The following FAM186A variants were observed in gnomAD, a reference collection of about 807,000 sequenced individuals.
The protein encoded by FAM186A is family with sequence similarity 186 member A.
Under a neutral mutation model 216.8 loss-of-function variants are expected in FAM186A, and 163 were observed. That is an observed-to-expected ratio of 0.75 (90% CI 0.66 to 0.86). The LOEUF is 0.86. Among genes scored for constraint, FAM186A ranks in the 40% least tolerant of loss-of-function variants. The pLI is 0.00. For missense variants in FAM186A, 2,184 were observed against 2,746.2 expected, an observed-to-expected ratio of 0.80 and a Z score of 4.58; for synonymous variants, 805 against 1,025.3, an observed-to-expected ratio of 0.79 and a Z score of 4.10.
At chr12:50,383,099 A>G (rs942515314) in intron 1 of FAM186A, among the ~76,000 whole-genome samples, 4 of 151,228 alleles carry the variant, frequency 2.6e-5, no homozygotes, top group East Asian at 1.9e-4. Flanking sequence ...ACAAAAAACA[A>G]TAGCCCCCAG....
intron 4 of FAM186A, among the ~76,000 whole-genome samples, chr12:50,337,289 C>CTTTTT (rs71441358): frequency 1.1e-4 from 8 of 69,674 alleles, no homozygotes; most frequent in South Asian, 6.9e-4. Context: ...AGAGATAATT[C>CTTTTT]TTTTTTTTTT....
chr12:50,391,737 C>T (rs1238086235), intron 1 of FAM186A, among the ~76,000 whole-genome samples: 1 of 152,196 alleles, frequency 6.6e-6, no homozygotes, highest in Non-Finnish European at 1.5e-5. Flanking sequence ...TCCCAAGTAG[C>T]TGGGATTACA....
chr12:50,330,830 C>A, intron 6 of FAM186A, 72 bp from the exon 7 acceptor site: 1 of 1,308,194 alleles, frequency 7.6e-7, no homozygotes. Flanking sequence ...ATATCTTATT[C>A]TCCCCTCTTC....
intron 4 of FAM186A, among the ~76,000 whole-genome samples, chr12:50,343,580 C>T (rs1383417101): frequency 6.6e-6 from 1 of 150,870 alleles, no homozygotes; most frequent in Admixed American, 6.6e-5. Flanking sequence ...GGGACTACAG[C>T]GAACCCAGCT....
At chr12:50,356,370 A>T in intron 3 of FAM186A, 122 bp from the exon 4 acceptor site, 2 of 728,542 alleles carry the variant, frequency 2.7e-6, no homozygotes, top group African/African-American at 1.8e-5. Context: ...TAAGATAAAG[A>T]TTAATCTGAA....
intron 1 of FAM186A, among the ~76,000 whole-genome samples, chr12:50,383,370 G>A (rs930707363): frequency 3.3e-5 from 5 of 150,650 alleles, no homozygotes; most frequent in Admixed American, 2.0e-4. Context: ...GCGGAAGCAC[G>A]TGGATCATGA....
intron 1 of FAM186A, among the ~76,000 whole-genome samples, chr12:50,378,648 A>G (rs1160569447): frequency 1.3e-5 from 2 of 148,420 alleles, no homozygotes; most frequent in Non-Finnish European, 3.0e-5. Flanking sequence ...ATACATATAT[A>G]TACACACACA....
chr12:50,327,481 G>T, intron 7 of FAM186A, 77 bp from the exon 8 acceptor site: 1 of 1,126,976 alleles, frequency 8.9e-7, no homozygotes, highest in Non-Finnish European at 1.3e-6. Flanking sequence ...TGAGTCATAG[G>T]GAAAATAAAA....
At chr12:50,333,869 T>C (rs769110821) in intron 5 of FAM186A, 42 bp downstream of exon 5, 1 of 1,507,678 alleles carries the variant, frequency 6.6e-7, no homozygotes, top group African/African-American at 1.4e-5. Context: ...CACTTTCATG[T>C]TTTTACAACA....
intron 1 of FAM186A, among the ~76,000 whole-genome samples, chr12:50,396,056 C>G (rs905610094): frequency 6.6e-6 from 1 of 152,178 alleles, no homozygotes; most frequent in Non-Finnish European, 1.5e-5. Context: ...AGCCACCATG[C>G]CCGGCTTGAT....
chr12:50,389,574 G>A (rs1475334337), intron 1 of FAM186A, among the ~76,000 whole-genome samples: 9 of 152,146 alleles, frequency 5.9e-5, no homozygotes, highest in Admixed American at 5.2e-4. Context: ...ATATACTCCT[G>A]AGATAGAAGA....
At chr12:50,341,307 A>G (rs1480439905) in intron 4 of FAM186A, among the ~76,000 whole-genome samples, 2 of 152,150 alleles carry the variant, frequency 1.3e-5, no homozygotes, top group Non-Finnish European at 2.9e-5. Context: ...TGACCTAGCC[A>G]TCCTTGTCAT....
intron 1 of FAM186A, among the ~76,000 whole-genome samples, chr12:50,382,808 T>C (rs1436188154): frequency 2.0e-5 from 3 of 152,196 alleles, no homozygotes; most frequent in Non-Finnish European, 4.4e-5. Flanking sequence ...TTGCTTCAAC[T>C]GTCTCCTTCT....
chr12:50,344,522 T>C (rs1342037083), intron 4 of FAM186A, among the ~76,000 whole-genome samples: 1 of 152,220 alleles, frequency 6.6e-6, no homozygotes, highest in African/African-American at 2.4e-5. Context: ...CCACCACTGA[T>C]GTGTACCTAG....
Position 50,328,897 on chromosome 12 carries a change from C to T in FAM186A, c.7035-1493G>A, listed in dbSNP as rs545997709. Among the ~76,000 whole-genome samples the T allele has an allele frequency of 4.6e-5, 7 of 152,298 alleles. No homozygotes were observed. The East Asian group carries it at 1.4e-3, about 29-fold the overall frequency. On this transcript the variant is annotated intron_variant, in intron 7 of 7. Coordinates refer to ENST00000327337, the MANE Select transcript of FAM186A (RefSeq NM_001145475.3). ...TTGGGAGGCCAAGGCGGGTGGATCA[C>T]CTGAGGTCAAGAGTTCAAGACCAGC...
intron 3 of FAM186A, among the ~76,000 whole-genome samples, chr12:50,358,712 C>T (rs1419867629): frequency 6.6e-6 from 1 of 151,812 alleles, no homozygotes; most frequent in Admixed American, 6.6e-5. Context: ...ATCACGAGGT[C>T]AGGAGTTCAA....
chr12:50,328,829 G>C (rs1236208175), intron 7 of FAM186A, among the ~76,000 whole-genome samples: 1 of 152,198 alleles, frequency 6.6e-6, no homozygotes, highest in East Asian at 1.9e-4. Flanking sequence ...TTTAAAACAT[G>C]TCCAGGCCGG....
chr12:50,362,098 G>A (rs533000729), intron 2 of FAM186A, among the ~76,000 whole-genome samples: 7 of 151,278 alleles, frequency 4.6e-5, no homozygotes, highest in Admixed American at 1.3e-4. Context: ...TCAGCCTCCC[G>A]AGTAGCTGGG....
Position 50,355,830 on chromosome 12 carries a change from T to G in FAM186A, c.1002A>C (p.Lys334Asn). The G allele has an allele frequency of 1.3e-6, 2 of 1,551,544 alleles. No homozygotes were observed. The highest frequency in any genetic ancestry group is 1.7e-6 in the Non-Finnish European group (2 of 1,146,972). ...TTGCATATAGTTGTTCTATAACAAT[T>G]TTGGATCGAATAAGTTGTTCACATT... is the stretch of plus-strand genomic sequence containing the variant. ...EEKCEQLIRS[K>N]IVIEQLYAKL... The change falls in exon 4 of 8, where the codon AAA becomes AAC. Residue 334 changes from lysine (K) to asparagine (N), a missense_variant. Coordinates refer to ENST00000327337, the MANE Select transcript of FAM186A (RefSeq NM_001145475.3).
Sources: allele counts gnomAD v4.1 joint callset (sites outside exome capture counted in the v4.1 genomes callset), GRCh38; gene constraint gnomAD v4.1.1; transcripts MANE v1.5; gene names NCBI Gene and HGNC (gene_info 2026-07-23, HGNC 2026-07-21).